N4BP3: variants seen among roughly 807,000 people sequenced by gnomAD.
N4BP3 encodes the protein NEDD4-binding protein 3.
Under a neutral mutation model 43.8 loss-of-function variants are expected in N4BP3, and 33 were observed. The observed-to-expected ratio is 0.75, with a 90% CI of 0.57 to 1.01. The LOEUF is 1.01. Among genes scored for constraint, N4BP3 ranks in the 50% least tolerant of loss-of-function variants. The pLI is 0.00. For synonymous variants in N4BP3, 326 were observed against 321.9 expected, an observed-to-expected ratio of 1.01 and a Z score of -0.14; for missense variants, 756 against 744.2, an observed-to-expected ratio of 1.02 and a Z score of -0.18.
chr5:178,120,793 G>A (rs565039945), intron 3 of N4BP3, 94 bp downstream of exon 3: 27 of 1,422,836 alleles, frequency 1.9e-5, no homozygotes, highest in African/African-American at 4.3e-5. Flanking sequence ...CCACGTGGCC[G>A]TGGACACAAG....
In N4BP3 at chr5:178,120,483, T is replaced by C. The variant is rs777759023; in HGVS notation, c.636T>C (p.Leu212=). 5 of 1,612,912 alleles carry C rather than the reference T, an allele frequency of 3.1e-6. No homozygotes were observed. Among genetic ancestry groups the C allele is most frequent in the South Asian group, 1.1e-5 (1 of 91,090 alleles). The change falls in exon 3 of 5, where the codon CTT becomes CTC. Residue 212 remains leucine (L), a synonymous_variant. Coordinates refer to ENST00000274605, the MANE Select transcript of N4BP3 (RefSeq NM_015111.2). The stretch of plus-strand genomic sequence containing the variant: ...GCCCTAGCCCCTTCAGCTCCTCCCT[T>C]GGCCACCTTAACCACCTCGGGGGCT... ...GTGPSPFSSS[L]GHLNHLGGSL...
intron 1 of N4BP3, among the ~76,000 whole-genome samples, chr5:178,117,075 A>G (rs2113289429): frequency 6.6e-6 from 1 of 152,232 alleles, no homozygotes; most frequent in East Asian, 1.9e-4. Flanking sequence ...AGCCTCCCAA[A>G]GTGCTGGGAT....
At position 178,121,347 on chromosome 5, in the gene N4BP3, TG is replaced by T; in HGVS notation, c.1105del (p.Glu369ArgfsTer12). On this transcript the variant is annotated frameshift_variant, in exon 4 of 5. Coordinates refer to ENST00000274605, the MANE Select transcript of N4BP3 (RefSeq NM_015111.2). LOFTEE classifies it high-confidence loss of function. ...TGCACGACCAGAGGAGGAAGCCCGA[TG>T]GGAGGTGAGAGATGACACAGGGCTC... The part of the protein sequence containing the change: ...PSARPEEEAR[W>X]EVCQKTAEIS... The T allele has an allele frequency of 6.2e-7, 1 of 1,601,350 alleles. No individual in the cohort carries two copies. Among genetic ancestry groups the T allele is most frequent in the East Asian group, 2.2e-5 (1 of 44,630 alleles).
intron 4 of N4BP3, 58 bp downstream of exon 4, chr5:178,121,410 T>C: frequency 6.2e-7 from 1 of 1,612,966 alleles, no homozygotes; most frequent in Middle Eastern, 1.6e-4. Context: ...TCCCTTCTTC[T>C]GCCTGCCCCC....
Position 178,121,610 on chromosome 5 carries a change from A to T in N4BP3, c.1244A>T (p.Gln415Leu). 1 of 1,613,246 alleles carries T rather than the reference A, an allele frequency of 6.2e-7. No individual in the cohort carries two copies. Among genetic ancestry groups the T allele is most frequent in the East Asian group, 2.2e-5 (1 of 44,866 alleles). ...LRGSRAQAQA[Q>L]DAELVRLREA... is the part of the protein sequence containing the mutation. ...GGCAGCCGGGCACAAGCCCAGGCTC[A>T]GGACGCAGAGCTGGTCCGGCTGCGC... Residue 415 changes from glutamine to leucine, a missense_variant, in exon 5 of 5, where the codon CAG (glutamine) becomes CTG (leucine). Physicochemically the swap from Gln to Leu is moderately radical, Grantham distance 113. Coordinates refer to ENST00000274605, the MANE Select transcript of N4BP3 (RefSeq NM_015111.2).
rs760778397 is a variant in N4BP3, at chr5:178,121,558, A to G, written c.1192A>G (p.Ile398Val). The change falls in exon 5 of 5, where the codon ATC becomes GTC. Residue 398 changes from isoleucine (I) to valine (V), a missense_variant. Ile to Val is a conservative substitution (Grantham distance 29). Coordinates refer to ENST00000274605, the MANE Select transcript of N4BP3 (RefSeq NM_015111.2). ...QAELAQKLAE[I>V]FSLKTQLRGS... ...GGAACTGGCCCAGAAGCTGGCGGAG[A>G]TCTTCAGTCTGAAGACACAACTTCG... The G allele has an allele frequency of 3.1e-6, 5 of 1,613,686 alleles. No homozygotes were observed. The highest frequency in any genetic ancestry group is 1.7e-5 in the Admixed American group (1 of 60,024).
chr5:178,116,155 C>T (rs1245056773), intron 1 of N4BP3, among the ~76,000 whole-genome samples: 1 of 152,160 alleles, frequency 6.6e-6, no homozygotes, highest in Non-Finnish European at 1.5e-5. Context: ...TCCCTCCCTC[C>T]TCCCCCACCA....
Position 178,123,667 on chromosome 5 carries a change from G to C in N4BP3, c.*1666G>C, listed in dbSNP as rs1305057289. ...TCTGCTGTGGGGATGGTGTGTTTAT[G>C]GCCATGTAAGTGGCAGGTGTGTGTA... On this transcript the variant is annotated 3_prime_UTR_variant, in exon 5 of 5. Coordinates refer to ENST00000274605, the MANE Select transcript of N4BP3 (RefSeq NM_015111.2). 1 of 152,890 alleles carries C rather than the reference G, an allele frequency of 6.5e-6. No homozygotes were observed. Among genetic ancestry groups the C allele is most frequent in the Non-Finnish European group, 1.5e-5 (1 of 68,178 alleles). 9.5% of individuals were successfully genotyped at this position (152,890 alleles called of 1,614,324 possible). A position where few individuals can be genotyped will look rare whatever the true frequency, so the allele number is the denominator to read the frequency against.
chr5:178,122,081 T>C lies in N4BP3; in HGVS notation c.*80T>C. On this transcript the variant is annotated 3_prime_UTR_variant, in exon 5 of 5. Transcript: ENST00000274605. The stretch of plus-strand genomic sequence containing the variant: ...CCGGCTCAGCCTTCCCTTGCACTGG[T>C]TGGGGTGGAACCTGCAGAGGCCAGC... 1 of 1,461,184 alleles carries C rather than the reference T, an allele frequency of 6.8e-7. No homozygotes were observed. Among genetic ancestry groups the C allele is most frequent in the African/African-American group, 1.4e-5 (1 of 70,778 alleles). 90.5% of individuals were successfully genotyped at this position (1,461,184 alleles called of 1,614,324 possible).
chr5:178,119,696 G>C lies in N4BP3; in HGVS notation c.113G>C (p.Gly38Ala). Residue 38 changes from glycine (G) to alanine (A), a missense_variant, in exon 2 of 5, where the codon GGC (glycine) becomes GCC (alanine). Coordinates refer to ENST00000274605, the MANE Select transcript of N4BP3 (RefSeq NM_015111.2). Reference protein sequence around the residue: ...ELRAALAGSRGSRQPDGLLRK... With the variant: ...ELRAALAGSRASRQPDGLLRK... ...CGGGCGGCACTTGCCGGGTCTCGGG[G>C]CTCCCGCCAGCCTGATGGGCTCCTC... 1 of 1,612,422 alleles carries C rather than the reference G, an allele frequency of 6.2e-7. No homozygotes were observed. The highest frequency in any genetic ancestry group is 1.1e-5 in the South Asian group (1 of 91,036).
At position 178,121,456 on chromosome 5, in the gene N4BP3, G is replaced by T. The variant is rs763432377; in HGVS notation, c.1108-18G>T. 1.2e-6 allele frequency: 2 copies of T among 1,613,792 alleles called. No individual in the cohort carries two copies. The highest frequency in any genetic ancestry group is 1.1e-5 in the South Asian group (1 of 91,076). On this transcript the variant is annotated intron_variant, in intron 4 of 4. Coordinates refer to ENST00000274605, the MANE Select transcript of N4BP3 (RefSeq NM_015111.2). ...GCTCCCCACACCCTACTTTGCTTGC[G>T]TCCTCCCCATCCCCCAGGTGTGCCA...
intron 2 of N4BP3, 105 bp from the exon 3 acceptor site, chr5:178,120,073 C>T (rs894673003): frequency 1.3e-5 from 19 of 1,492,552 alleles, no homozygotes; most frequent in Middle Eastern, 2.1e-4. Context: ...GCACGTGCCC[C>T]GCGGTCTCAA....
chr5:178,117,810 C>A (rs1027396294), intron 1 of N4BP3, among the ~76,000 whole-genome samples: 5 of 151,928 alleles, frequency 3.3e-5, no homozygotes, highest in African/African-American at 4.8e-5. Context: ...TTCGCCCCAT[C>A]CTGGGTTTGG....
chr5:178,119,254 T>G (rs1025205172), intron 1 of N4BP3, among the ~76,000 whole-genome samples: 1 of 152,224 alleles, frequency 6.6e-6, no homozygotes, highest in Non-Finnish European at 1.5e-5. Context: ...CCGGTACTTC[T>G]GAATCCCACA....
At position 178,122,100 on chromosome 5, in the gene N4BP3, G is replaced by A; in HGVS notation, c.*99G>A. The stretch of plus-strand genomic sequence containing the variant: ...CACTGGTTGGGGTGGAACCTGCAGA[G>A]GCCAGCCCGGGGCTGGGGAGGCGCA... On this transcript the variant is annotated 3_prime_UTR_variant, in exon 5 of 5. Coordinates refer to ENST00000274605, the MANE Select transcript of N4BP3 (RefSeq NM_015111.2). 1 of 1,394,240 alleles carries A rather than the reference G, an allele frequency of 7.2e-7. No individual in the cohort carries two copies. The highest frequency in any genetic ancestry group is 9.5e-7 in the Non-Finnish European group (1 of 1,054,442). 86.4% of individuals were successfully genotyped at this position (1,394,240 alleles called of 1,614,324 possible). A position where few individuals can be genotyped will look rare whatever the true frequency, so the allele number is the denominator to read the frequency against.
At chr5:178,120,997 G>T in intron 3 of N4BP3, 101 bp from the exon 4 acceptor site, 1 of 1,434,460 alleles carries the variant, frequency 7.0e-7, no homozygotes, top group Middle Eastern at 2.5e-4. Flanking sequence ...GTCCTGTGGT[G>T]TAGGGGCACA....
At chr5:178,116,835 G>C (rs530973852) in intron 1 of N4BP3, among the ~76,000 whole-genome samples, 2 of 152,290 alleles carry the variant, frequency 1.3e-5, no homozygotes, top group East Asian at 3.9e-4. Context: ...TGAGGTGGGC[G>C]TATTTGGCAC....
rs1581097140 is a variant in N4BP3 at position 178,125,160 on chromosome 5, A to C, written c.*3159A>C. On this transcript the variant is annotated 3_prime_UTR_variant, in exon 5 of 5. Coordinates refer to ENST00000274605, the MANE Select transcript of N4BP3 (RefSeq NM_015111.2). ...CACAGGGACTCCAGGGGCAGCTGCCATTCGTTCCAGTGATGTATTTGGGGC... is the reference window on the plus strand; with the variant it reads ...CACAGGGACTCCAGGGGCAGCTGCCCTTCGTTCCAGTGATGTATTTGGGGC... The C allele has an allele frequency of 6.6e-6, 1 of 152,378 alleles. No individual in the cohort carries two copies. Among genetic ancestry groups the C allele is most frequent in the Non-Finnish European group, 1.5e-5 (1 of 68,204 alleles). 9.4% of individuals were successfully genotyped at this position (152,378 alleles called of 1,614,324 possible). A position where few individuals can be genotyped will look rare whatever the true frequency, so the allele number is the denominator to read the frequency against.
rs111725190 is a variant in N4BP3 at position 178,119,189 on chromosome 5, G to A, written c.-30-365G>A. Among the ~76,000 whole-genome samples the A allele has an allele frequency of 6.2e-3, 945 of 152,282 alleles. 10 individuals carry two copies. Among genetic ancestry groups the A allele is most frequent in the African/African-American group, 0.02 (850 of 41,546 alleles). ...AAGTTTGTCTTCCTTAGCCCTGTGC[G>A]GGCCCAGTGCTGGGAGGACGGCTCC... On this transcript the variant is annotated intron_variant, in intron 1 of 4. Transcript: ENST00000274605.
Sources: allele counts gnomAD v4.1 joint callset (sites outside exome capture counted in the v4.1 genomes callset), GRCh38; gene constraint gnomAD v4.1.1; transcripts MANE v1.5; gene names NCBI Gene and HGNC (gene_info 2026-07-23, HGNC 2026-07-21).